PDCD7: variants seen among roughly 807,000 people sequenced by gnomAD.
PDCD7 encodes the protein programmed cell death 7, also known as programmed cell death protein 7.
Under a neutral mutation model 42.1 loss-of-function variants are expected in PDCD7, and 40 were observed. That is an observed-to-expected ratio of 0.95 (90% confidence interval 0.74 to 1.24). PDCD7 has a LOEUF of 1.24. Among genes scored for constraint, PDCD7 ranks in the 50% most tolerant of loss-of-function variants. PDCD7 has a pLI of 0.00. For synonymous variants in PDCD7, 299 were observed against 303.3 expected, an observed-to-expected ratio of 0.99 and a Z score of 0.15; for missense variants, 644 against 662.8, an observed-to-expected ratio of 0.97 and a Z score of 0.31.
Position 65,118,042 on chromosome 15 carries a change from G to C in PDCD7, c.*675C>G, listed in dbSNP as rs1483371402. The C allele has an allele frequency of 6.6e-6, 1 of 152,060 alleles. No individual in the cohort carries two copies. The highest frequency in any genetic ancestry group is 2.4e-5 in the African/African-American group (1 of 41,416). 9.4% of individuals were successfully genotyped at this position (152,060 alleles called of 1,614,324 possible). A position where few individuals can be genotyped will look rare whatever the true frequency, so the allele number is the denominator to read the frequency against. On this transcript the variant is annotated 3_prime_UTR_variant, in exon 5 of 5. Transcript: ENST00000204549. The stretch of plus-strand genomic sequence containing the variant: ...GCTTTCATTAGGATCCTTCTAACAT[G>C]GAAAAAATACAGCCATTGTCCATTA...
In PDCD7 at chr15:65,124,969, G is replaced by C. The variant is rs116196859; in HGVS notation, c.1009+4063C>G. ...CTGCAACCATCTTCCACAAGTCTCT[G>C]TTGGCTCTCACCCATTCTTCACAGC... On this transcript the variant is annotated intron_variant, in intron 2 of 4. Transcript: ENST00000204549. 3.5e-3 allele frequency among the ~76,000 whole-genome samples: 539 copies of C among 152,252 alleles called. 4 individuals carry two copies. The highest frequency in any genetic ancestry group is 0.012 in the African/African-American group (517 of 41,530).
intron 1 of PDCD7, among the ~76,000 whole-genome samples, chr15:65,132,301 TG>T (rs1254112274): frequency 6.6e-6 from 1 of 151,194 alleles, no homozygotes; most frequent in Non-Finnish European, 1.5e-5. Flanking sequence ...TTTTTTTTTT[TG>T]AGACGGAGTC....
intron 4 of PDCD7, 52 bp downstream of exon 4, chr15:65,119,324 G>A: frequency 8.0e-7 from 1 of 1,248,154 alleles, no homozygotes; most frequent in Non-Finnish European, 1.2e-6. Flanking sequence ...ACTTCTTCAA[G>A]TGCTTCCTGC....
chr15:65,123,327 A>C (rs1272140323), intron 2 of PDCD7, among the ~76,000 whole-genome samples: 1 of 152,164 alleles, frequency 6.6e-6, no homozygotes, highest in Non-Finnish European at 1.5e-5. Flanking sequence ...AGCTGGGATT[A>C]CAGGCATGTG....
At chr15:65,127,672 A>G (rs1276494119) in intron 2 of PDCD7, among the ~76,000 whole-genome samples, 1 of 152,184 alleles carries the variant, frequency 6.6e-6, no homozygotes, top group Non-Finnish European at 1.5e-5. Context: ...GCTACTTACC[A>G]AATCATTTTA....
chr15:65,133,305 A>G lies in PDCD7; in HGVS notation c.477T>C (p.Cys159=). The change falls in exon 1 of 5, where the codon TGT becomes TGC. Residue 159 remains cysteine (C), a synonymous_variant. Coordinates refer to ENST00000204549, the MANE Select transcript of PDCD7 (RefSeq NM_005707.2). The stretch of plus-strand genomic sequence containing the variant: ...CGGCATGCGTGCGCTGGGGCACCGG[A>G]CAGCCTGCCCGCCGCGGGGTCCCGA... ...AVFGTPRRAG[C]PVPQRTHAGP... 1.5e-6 allele frequency: 2 copies of G among 1,300,588 alleles called. No individual in the cohort carries two copies. The highest frequency in any genetic ancestry group is 1.5e-5 in the African/African-American group (1 of 64,736). The allele number at this position is 1,300,588 out of a possible 1,614,324, so 80.6% of individuals were successfully genotyped here.
At chr15:65,130,940 C>T (rs564669437) in intron 1 of PDCD7, among the ~76,000 whole-genome samples, 1 of 152,208 alleles carries the variant, frequency 6.6e-6, no homozygotes, top group East Asian at 1.9e-4. Context: ...TTTACAGCAC[C>T]TATAGTTGAA....
Position 65,119,931 on chromosome 15 carries a change from C to T in PDCD7, c.1033G>A (p.Asp345Asn). The change falls in exon 3 of 5, where the codon GAT (aspartate) becomes AAT (asparagine). Residue 345 changes from aspartate to asparagine, a missense_variant. Coordinates refer to ENST00000204549, the MANE Select transcript of PDCD7 (RefSeq NM_005707.2). ...TGAAGATGATGCGTAAAAGTCTCAT[C>T]TGCTGAGGCTGGAGGACAGACCCCT... The part of the protein sequence containing the change: ...RKGVCPPASA[D>N]ETFTHHLQRL... 6 of 1,613,870 alleles carry T rather than the reference C, an allele frequency of 3.7e-6. No individual in the cohort carries two copies. Among genetic ancestry groups the T allele is most frequent in the Non-Finnish European group, 5.1e-6 (6 of 1,179,952 alleles).
At chr15:65,121,272 C>G (rs555062255) in intron 2 of PDCD7, among the ~76,000 whole-genome samples, 1 of 151,986 alleles carries the variant, frequency 6.6e-6, no homozygotes, top group Non-Finnish European at 1.5e-5. Flanking sequence ...AGGCTGGTCT[C>G]GAACTCCTGA....
rs753152054 is a variant in PDCD7 at position 65,133,130 on chromosome 15, C to A, written c.652G>T (p.Glu218Ter). Residue 218 changes from glutamate (E) to a stop codon, truncating the protein, a stop_gained, in exon 1 of 5, where the codon GAA (glutamate) becomes TAA (stop). Transcript: ENST00000204549. LOFTEE classifies it high-confidence loss of function. ...AACGGCTGTAGCCGCTCGGCCAGTT[C>A]CGCGCGCAGCGGCGCGGTCTGGGAG... Reference protein sequence around the residue: ...LYSQTAPLRAELAERLQPLTQ... With the variant: ...LYSQTAPLRA 36 of 1,537,812 alleles carry A rather than the reference C, an allele frequency of 2.3e-5. No homozygotes were observed. The highest frequency in any genetic ancestry group is 3.0e-5 in the Non-Finnish European group (35 of 1,148,814).
At chr15:65,122,997 T>C (rs11857266) in intron 2 of PDCD7, among the ~76,000 whole-genome samples, 3,452 of 150,914 alleles carry the variant, frequency 0.023, 69 homozygotes, top group African/African-American at 0.044. Context: ...AGTGAAACTC[T>C]GTCTCAAAAA....
At chr15:65,132,828 TG>T (rs1287623562) in intron 1 of PDCD7, 83 bp downstream of exon 1, 2 of 1,571,940 alleles carry the variant, frequency 1.3e-6, no homozygotes, top group Non-Finnish European at 1.7e-6. Flanking sequence ...GGCTTAGCCC[TG>T]GGAAATGGAA....
chr15:65,131,636 C>A (rs2087540690), intron 1 of PDCD7, among the ~76,000 whole-genome samples: 1 of 152,126 alleles, frequency 6.6e-6, no homozygotes, highest in African/African-American at 2.4e-5. Context: ...GTAATCCCTG[C>A]TACTCGGGAG....
chr15:65,133,003 C>CGGGA lies in PDCD7; in HGVS notation c.778_779insTCCC (p.Arg260LeufsTer17). 1.9e-6 allele frequency: 3 copies of CGGGA among 1,603,370 alleles called. No homozygotes were observed. Among genetic ancestry groups the CGGGA allele is most frequent in the Non-Finnish European group, 2.5e-6 (3 of 1,179,378 alleles). On this transcript the variant is annotated frameshift_variant, in exon 1 of 5. Transcript: ENST00000204549. LOFTEE classifies it high-confidence loss of function. ...CACTGCCCGCGCGGCCTCTGCCTCC[C>CGGGA]GCTCGGCCTCGCGTTCCCGGGCCCT...
At chr15:65,123,984 C>T (rs1285351823) in intron 2 of PDCD7, among the ~76,000 whole-genome samples, 2 of 152,050 alleles carry the variant, frequency 1.3e-5, no homozygotes, top group African/African-American at 2.4e-5. Context: ...CTGTCTATGG[C>T]GAAATACACA....
intron 2 of PDCD7, among the ~76,000 whole-genome samples, chr15:65,124,454 A>C (rs1377265711): frequency 6.6e-6 from 1 of 151,556 alleles, no homozygotes; most frequent in Non-Finnish European, 1.5e-5. Flanking sequence ...AAGAAAGAAA[A>C]AGAAAAAGAA....
intron 2 of PDCD7, among the ~76,000 whole-genome samples, chr15:65,122,097 G>A (rs2087459926): frequency 6.6e-6 from 1 of 152,192 alleles, no homozygotes; most frequent in Non-Finnish European, 1.5e-5. Context: ...CACTTTGGGA[G>A]ACTGAGGCAG....
intron 2 of PDCD7, among the ~76,000 whole-genome samples, chr15:65,126,917 C>G (rs1441268040): frequency 6.6e-6 from 1 of 152,000 alleles, no homozygotes; most frequent in Non-Finnish European, 1.5e-5. Flanking sequence ...TACCTTTATT[C>G]ATTATCTCTC....
chr15:65,130,453 A>G (rs2087530860), intron 1 of PDCD7, among the ~76,000 whole-genome samples: 1 of 152,044 alleles, frequency 6.6e-6, no homozygotes, highest in African/African-American at 2.4e-5. Flanking sequence ...CACGGCGCCC[A>G]GCCCCAACCC....
Sources: gnomAD v4.1 joint callset for allele counts (sites outside exome capture counted in the v4.1 genomes callset) on GRCh38, gnomAD v4.1.1 for gene constraint, MANE v1.5 for transcripts, NCBI Gene and HGNC (gene_info 2026-07-23, HGNC 2026-07-21) for gene names.